The following LRMDA variants were observed in gnomAD, a reference collection of about 807,000 sequenced individuals.
LRMDA encodes the protein leucine rich melanocyte differentiation associated.
LRMDA carries 18 observed loss-of-function variants against 29.8 expected under a neutral mutation model. That is an observed-to-expected ratio of 0.60 (90% confidence interval 0.42 to 0.90). The LOEUF is 0.90. Among genes scored for constraint, LRMDA ranks in the 40% least tolerant of loss-of-function variants. LRMDA has a pLI of 0.00. For synonymous variants in LRMDA, 125 were observed against 109.4 expected, an observed-to-expected ratio of 1.14 and a Z score of -0.89; for missense variants, 273 against 273.9, an observed-to-expected ratio of 1.00 and a Z score of 0.02.
intron 5 of LRMDA, among the ~76,000 whole-genome samples, chr10:76,317,073 A>G (rs982097342): frequency 1.3e-5 from 2 of 152,190 alleles, no homozygotes; most frequent in Non-Finnish European, 2.9e-5. Context: ...GGAGAAGGGC[A>G]TCATGAAAAC....
At chr10:75,662,398 C>G (rs1257835729) in intron 2 of LRMDA, among the ~76,000 whole-genome samples, 1 of 152,164 alleles carries the variant, frequency 6.6e-6, no homozygotes, top group African/African-American at 2.4e-5. Flanking sequence ...CACGGAAACA[C>G]ATTAGAACTA....
At chr10:75,981,764 A>G (rs985951064) in intron 2 of LRMDA, among the ~76,000 whole-genome samples, 3 of 151,830 alleles carry the variant, frequency 2.0e-5, no homozygotes, top group African/African-American at 7.3e-5. Context: ...AGGCAGGAGA[A>G]TCACTCGAAC....
intron 6 of LRMDA, among the ~76,000 whole-genome samples, chr10:76,535,582 A>G (rs1212912239): frequency 9.2e-5 from 14 of 152,146 alleles, no homozygotes; most frequent in Admixed American, 9.2e-4. Flanking sequence ...AAAAGTTCAT[A>G]TGCCAAGAAA....
intron 5 of LRMDA, among the ~76,000 whole-genome samples, chr10:76,214,441 T>C (rs925910620): frequency 1.3e-4 from 19 of 148,506 alleles, no homozygotes; most frequent in African/African-American, 4.8e-4. Context: ...GCTTCCCAGG[T>C]TCACGCCATT....
intron 5 of LRMDA, among the ~76,000 whole-genome samples, chr10:76,090,587 G>A (rs1045385993): frequency 4.6e-5 from 7 of 152,146 alleles, no homozygotes; most frequent in Admixed American, 2.0e-4. Context: ...ACCCATGTTC[G>A]TAGCAGCATT....
At chr10:75,594,080 G>A (rs919593173) in intron 2 of LRMDA, among the ~76,000 whole-genome samples, 1 of 152,166 alleles carries the variant, frequency 6.6e-6, no homozygotes, top group Non-Finnish European at 1.5e-5. Context: ...AGATCCCTGG[G>A]CCATGGAAAC....
chr10:75,539,791 C>G (rs1839994183), intron 2 of LRMDA, among the ~76,000 whole-genome samples: 1 of 152,144 alleles, frequency 6.6e-6, no homozygotes, highest in South Asian at 2.1e-4. Context: ...TTTTCTCCCT[C>G]TGGCTGTATT....
At chr10:76,432,505 G>C (rs932122817) in intron 6 of LRMDA, among the ~76,000 whole-genome samples, 10 of 152,174 alleles carry the variant, frequency 6.6e-5, no homozygotes, top group African/African-American at 2.2e-4. Context: ...AATGAGACTT[G>C]TCAGAGGTGC....
At chr10:75,543,514 C>T (rs1840044402) in intron 2 of LRMDA, among the ~76,000 whole-genome samples, 1 of 151,912 alleles carries the variant, frequency 6.6e-6, no homozygotes, top group Non-Finnish European at 1.5e-5. Flanking sequence ...TGAACAAAAC[C>T]CTCGTCCTAT....
At chr10:75,810,638 C>T (rs1007608914) in intron 2 of LRMDA, among the ~76,000 whole-genome samples, 5 of 152,290 alleles carry the variant, frequency 3.3e-5, no homozygotes, top group African/African-American at 4.8e-5. Context: ...TCCCTTTACA[C>T]GGGAATGCTT....
intron 5 of LRMDA, among the ~76,000 whole-genome samples, chr10:76,181,947 T>C (rs1214292952): frequency 6.6e-6 from 1 of 152,202 alleles, no homozygotes; most frequent in Non-Finnish European, 1.5e-5. Flanking sequence ...ACCTTAACTT[T>C]CTATTCAGCA....
At chr10:75,709,349 A>AGT (rs983217052) in intron 2 of LRMDA, among the ~76,000 whole-genome samples, 1 of 151,574 alleles carries the variant, frequency 6.6e-6, no homozygotes, top group Admixed American at 6.6e-5. Context: ...TGCATGCATA[A>AGT]GTGTGTGTGT....
intron 2 of LRMDA, among the ~76,000 whole-genome samples, chr10:75,705,707 G>C (rs954438304): frequency 5.3e-5 from 8 of 152,168 alleles, no homozygotes; most frequent in Non-Finnish European, 7.3e-5. Context: ...GTGCAGGAGA[G>C]CAACATTTCA....
rs899017667 is a variant in LRMDA, at chr10:75,496,842, G to A, written c.131+58348G>A. On this transcript the variant is annotated intron_variant, in intron 2 of 6. Transcript: ENST00000611255. ...ATGCACGTATGTTTATACATAAGGTGTATGCACATATGTATATACATGAGG... is the reference window on the plus strand; with the variant it reads ...ATGCACGTATGTTTATACATAAGGTATATGCACATATGTATATACATGAGG... Among the ~76,000 whole-genome samples, 3 of 152,076 alleles carry A rather than the reference G, an allele frequency of 2.0e-5. 1 individual carries two copies. Among genetic ancestry groups the A allele is most frequent in the South Asian group, 4.2e-4 (2 of 4,812 alleles).
chr10:75,779,743 G>A (rs1025932358), intron 2 of LRMDA, among the ~76,000 whole-genome samples: 1 of 152,168 alleles, frequency 6.6e-6, no homozygotes, highest in Non-Finnish European at 1.5e-5. Flanking sequence ...CTGGATGAAG[G>A]CTCTGGCATC....
chr10:75,573,069 G>T lies in LRMDA; in HGVS notation c.131+134575G>T, dbSNP rs531022427. Among the ~76,000 whole-genome samples the T allele has an allele frequency of 2.5e-3, 387 of 152,318 alleles. 6 individuals are homozygous for T. In the South Asian group the frequency reaches 0.031, roughly 12 times the overall value. On this transcript the variant is annotated intron_variant, in intron 2 of 6. Transcript: ENST00000611255. ...AACTGTTTGTTCCTTAAGCCACCCAGTCTGTGGTGTTTTGTTGTGGCAGCC... is the reference window on the plus strand; with the variant it reads ...AACTGTTTGTTCCTTAAGCCACCCATTCTGTGGTGTTTTGTTGTGGCAGCC...
rs1844715461 is a variant in LRMDA at position 75,850,601 on chromosome 10, T to C, written c.132-185407T>C. Among the ~76,000 whole-genome samples the C allele has an allele frequency of 2.6e-5, 4 of 152,334 alleles. No individual in the cohort carries two copies. The South Asian group carries it at 6.2e-4, about 24-fold the overall frequency. ...CTGAGAGAATGGCTGTTGAGTGGTA[T>C]AGAAAACATCAAAGTCAAAACAGTA... On this transcript the variant is annotated intron_variant, in intron 2 of 6. Coordinates refer to ENST00000611255, the MANE Select transcript of LRMDA (RefSeq NM_001305581.2).
chr10:75,688,348 T>G (rs1842106909), intron 2 of LRMDA, among the ~76,000 whole-genome samples: 1 of 152,238 alleles, frequency 6.6e-6, no homozygotes, highest in Non-Finnish European at 1.5e-5. Context: ...AAGTGGATTT[T>G]AAACCTCATG....
chr10:75,880,219 G>A (rs1845271457), intron 2 of LRMDA, among the ~76,000 whole-genome samples: 1 of 152,148 alleles, frequency 6.6e-6, no homozygotes, highest in African/African-American at 2.4e-5. Context: ...ATGGATTAAT[G>A]TCAGTTTCTG....
Sources: gnomAD v4.1 joint callset for allele counts (sites outside exome capture counted in the v4.1 genomes callset) on GRCh38, gnomAD v4.1.1 for gene constraint, MANE v1.5 for transcripts, NCBI Gene and HGNC (gene_info 2026-07-23, HGNC 2026-07-21) for gene names.